Variants in ZNF804B observed in about 807,000 individuals in gnomAD.
The protein encoded by ZNF804B is zinc finger 804B.
In ZNF804B, 80 loss-of-function variants were observed where a neutral mutation model predicts 101.4. The observed-to-expected ratio is 0.79, with a 90% CI of 0.66 to 0.95. ZNF804B has a LOEUF of 0.95. ZNF804B is among the 40% of genes least tolerant of loss of function. ZNF804B has a pLI of 0.00. For missense variants in ZNF804B, 1,673 were observed against 1,561.9 expected (o/e 1.07, Z -1.20); for synonymous variants, 622 against 558.8 (o/e 1.11, Z -1.59).
intron 2 of ZNF804B, among the ~76,000 whole-genome samples, chr7:89,261,198 T>C (rs1789707895): frequency 6.6e-6 from 1 of 152,178 alleles, no homozygotes; most frequent in Non-Finnish European, 1.5e-5. Context: ...TTCATTTGCA[T>C]TTCTCTGAAC....
chr7:88,851,961 G>A (rs1763358686), intron 1 of ZNF804B, among the ~76,000 whole-genome samples: 1 of 152,066 alleles, frequency 6.6e-6, no homozygotes, highest in Non-Finnish European at 1.5e-5. Context: ...CTCTGAAAAA[G>A]GAACATCTCT....
chr7:89,022,403 C>A (rs1037793129), intron 1 of ZNF804B, among the ~76,000 whole-genome samples: 7 of 152,108 alleles, frequency 4.6e-5, no homozygotes, highest in Non-Finnish European at 4.4e-5. Flanking sequence ...AACAATTGGA[C>A]CTTGATGAAG....
At chr7:89,302,215 A>T (rs1438791077) in intron 2 of ZNF804B, among the ~76,000 whole-genome samples, 2 of 151,806 alleles carry the variant, frequency 1.3e-5, no homozygotes, top group African/African-American at 2.4e-5. Context: ...TTTTTGTCCC[A>T]TATCCAATTC....
chr7:89,168,139 A>G (rs1791171259), intron 1 of ZNF804B, among the ~76,000 whole-genome samples: 1 of 152,082 alleles, frequency 6.6e-6, no homozygotes, highest in Non-Finnish European at 1.5e-5. Flanking sequence ...ACTCTTTCTC[A>G]GAACGGGCAT....
At chr7:89,239,126 A>T (rs536898126) in intron 2 of ZNF804B, among the ~76,000 whole-genome samples, 1 of 152,224 alleles carries the variant, frequency 6.6e-6, no homozygotes, top group Admixed American at 6.6e-5. Context: ...GGAGCCCTAG[A>T]GGCCTGGAAT....
chr7:88,986,946 A>G (rs968375263), intron 1 of ZNF804B, among the ~76,000 whole-genome samples: 1 of 152,074 alleles, frequency 6.6e-6, no homozygotes, highest in East Asian at 1.9e-4. Context: ...AAGTAAATCA[A>G]TGTTTGAAGT....
intron 1 of ZNF804B, among the ~76,000 whole-genome samples, chr7:89,155,257 A>C (rs1001581042): frequency 1.3e-5 from 2 of 152,126 alleles, no homozygotes; most frequent in Non-Finnish European, 2.9e-5. Flanking sequence ...CACTGGATAA[A>C]TCCAACAGAG....
chr7:88,773,686 C>T (rs1035789971), intron 1 of ZNF804B, among the ~76,000 whole-genome samples: 1 of 151,984 alleles, frequency 6.6e-6, no homozygotes, highest in African/African-American at 2.4e-5. Flanking sequence ...GCAGGCTTTA[C>T]AGGTAGCATG....
chr7:89,090,916 A>G (rs1482916013), intron 1 of ZNF804B, among the ~76,000 whole-genome samples: 2 of 152,134 alleles, frequency 1.3e-5, no homozygotes, highest in Non-Finnish European at 2.9e-5. Flanking sequence ...AAATGCAAAA[A>G]TGCTGAGAAC....
chr7:89,173,212 G>T (rs1562905220), intron 1 of ZNF804B, among the ~76,000 whole-genome samples: 1 of 151,994 alleles, frequency 6.6e-6, no homozygotes, highest in African/African-American at 2.4e-5. Context: ...AACATTATGA[G>T]CTTTTATTAT....
chr7:88,762,220 AT>A, intron 1 of ZNF804B, among the ~76,000 whole-genome samples: 1 of 152,278 alleles, frequency 6.6e-6, no homozygotes, highest in South Asian at 2.1e-4. Flanking sequence ...TCTCAACACT[AT>A]TTGATTTACT....
chr7:89,254,327 T>C lies in ZNF804B; in HGVS notation c.249+36032T>C, dbSNP rs1670691517. ...ATAACAGTAAAAATCACTTGCAGAA[T>C]ATAATTGTATTAAAAGAAAATTACA... On this transcript the variant is annotated intron_variant, in intron 2 of 3. Transcript: ENST00000333190. Among the ~76,000 whole-genome samples, 3 of 151,992 alleles carry C rather than the reference T, an allele frequency of 2.0e-5. No homozygotes were observed. The South Asian group carries it at 6.2e-4, about 31-fold the overall frequency.
intron 1 of ZNF804B, among the ~76,000 whole-genome samples, chr7:88,876,281 C>G (rs1791938209): frequency 6.6e-6 from 1 of 152,148 alleles, no homozygotes; most frequent in Non-Finnish European, 1.5e-5. Context: ...CCTTAAGTGA[C>G]TCTTTCCTAT....
rs1790951725 is a variant in ZNF804B at position 88,820,073 on chromosome 7, A to G, written c.108+59989A>G. Among the ~76,000 whole-genome samples the G allele has an allele frequency of 2.0e-5, 3 of 152,314 alleles. No individual in the cohort carries two copies. In the South Asian group the frequency reaches 6.2e-4, roughly 32 times the overall value. On this transcript the variant is annotated intron_variant, in intron 1 of 3. Coordinates refer to ENST00000333190, the MANE Select transcript of ZNF804B (RefSeq NM_181646.5). ...TGAAAGGACAAGATAATAAATAAAG[A>G]TATATATTTTTGCCACTTATTTTTT...
chr7:89,067,759 T>C (rs968243772), intron 1 of ZNF804B, among the ~76,000 whole-genome samples: 4 of 152,072 alleles, frequency 2.6e-5, no homozygotes, highest in African/African-American at 9.7e-5. Flanking sequence ...CAAAGCCAGG[T>C]TTCATCATAT....
chr7:89,328,596 C>T (rs1295327059), intron 3 of ZNF804B, among the ~76,000 whole-genome samples: 1 of 151,684 alleles, frequency 6.6e-6, no homozygotes, highest in African/African-American at 2.4e-5. Context: ...TGCAAACATA[C>T]TGTTAATGAG....
intron 1 of ZNF804B, among the ~76,000 whole-genome samples, chr7:88,962,792 TAAAAAG>T (rs908965552): frequency 1.4e-5 from 2 of 145,906 alleles, no homozygotes; most frequent in Admixed American, 6.9e-5. Context: ...TTTATAGTCT[TAAAAAG>T]AGAGAAAGCA....
rs1310421613 is a variant in ZNF804B at position 89,218,743 on chromosome 7, ATATAC to A, written c.249+453_249+457del. ...ATGTTTTATATATGTTACATGTATT[ATATAC>A]TATATTATTACAATAAAGTAAGCCA... On this transcript the variant is annotated intron_variant, in intron 2 of 3. Transcript: ENST00000333190. Among the ~76,000 whole-genome samples the A allele has an allele frequency of 3.9e-5, 6 of 152,282 alleles. No individual in the cohort carries two copies. The East Asian group carries it at 1.2e-3, about 29-fold the overall frequency.
chr7:88,940,535 C>T (rs1003094449), intron 1 of ZNF804B, among the ~76,000 whole-genome samples: 10 of 151,684 alleles, frequency 6.6e-5, no homozygotes, highest in South Asian at 2.1e-4. Flanking sequence ...AGTTTGAGGA[C>T]GAGGCAGGAG....
Sources: gnomAD v4.1 joint callset for allele counts (sites outside exome capture counted in the v4.1 genomes callset) on GRCh38, gnomAD v4.1.1 for gene constraint, MANE v1.5 for transcripts, NCBI Gene and HGNC (gene_info 2026-07-23, HGNC 2026-07-21) for gene names.